The following ARHGEF26 variants were observed in gnomAD, a reference collection of about 807,000 sequenced individuals.
ARHGEF26 encodes the protein Rho guanine nucleotide exchange factor (GEF) 26.
A neutral mutation model predicts 89.4 loss-of-function variants in ARHGEF26; 59 were observed. That is an observed-to-expected ratio of 0.66 (90% CI 0.54 to 0.82). The LOEUF is 0.82. ARHGEF26 is among the 40% of genes least tolerant of loss of function. The pLI, the probability that ARHGEF26 is intolerant of heterozygous loss-of-function variation, is 0.00. For synonymous variants in ARHGEF26, 500 were observed against 428.4 expected (o/e 1.17, Z -2.06); for missense variants, 1,234 against 1,085.6 (o/e 1.14, Z -1.92).
chr3:154,130,346 G>A (rs1459877121), intron 4 of ARHGEF26, among the ~76,000 whole-genome samples: 2 of 151,842 alleles, frequency 1.3e-5, no homozygotes, highest in African/African-American at 4.8e-5. Flanking sequence ...TCACCGTATT[G>A]GCCAGGCTGG....
In ARHGEF26 at chr3:154,256,713, A is replaced by G. The variant is rs1056577789; in HGVS notation, c.*1240A>G. ...CAGTAATCTCAAGGAAGGGAAAATT[A>G]GGCCTTAAAAGATACCAAGAAGTCA... On this transcript the variant is annotated 3_prime_UTR_variant, in exon 15 of 15. Coordinates refer to ENST00000465093, the MANE Select transcript of ARHGEF26 (RefSeq NM_015595.4). The G allele has an allele frequency of 1.5e-6, 2 of 1,336,616 alleles. No homozygotes were observed. The highest frequency in any genetic ancestry group is 1.9e-6 in the Non-Finnish European group (2 of 1,049,266). The allele number at this position is 1,336,616 out of a possible 1,614,324, so 82.8% of individuals were successfully genotyped here.
At chr3:154,183,453 C>T (rs9283605) in intron 6 of ARHGEF26, among the ~76,000 whole-genome samples, 27,850 of 152,138 alleles carry the variant, frequency 0.18, 2,864 homozygotes, top group South Asian at 0.37. Context: ...TCCTCGTAAG[C>T]CAAATTATTT....
intron 6 of ARHGEF26, among the ~76,000 whole-genome samples, chr3:154,183,073 T>C (rs1284565390): frequency 6.6e-6 from 1 of 152,214 alleles, no homozygotes; most frequent in Non-Finnish European, 1.5e-5. Flanking sequence ...GTGGACCTTA[T>C]ATGTTTGGTA....
intron 11 of ARHGEF26, among the ~76,000 whole-genome samples, chr3:154,227,313 T>G (rs1019218909): frequency 8.8e-6 from 1 of 114,240 alleles, no homozygotes; most frequent in African/African-American, 3.4e-5. Flanking sequence ...TTTTTTTTTT[T>G]GAGATAGAGT....
At chr3:154,160,727 TA>T (rs1216439963) in intron 6 of ARHGEF26, among the ~76,000 whole-genome samples, 1 of 152,166 alleles carries the variant, frequency 6.6e-6, no homozygotes, top group Non-Finnish European at 1.5e-5. Flanking sequence ...TGGAGTAATT[TA>T]TAGATAATTG....
In ARHGEF26 at chr3:154,256,548, T is replaced by TAA. The variant is rs1474721087; in HGVS notation, c.*1101_*1102dup. On this transcript the variant is annotated 3_prime_UTR_variant, in exon 15 of 15. Transcript: ENST00000465093. ...GTGCCCAGCCTACTTTCTAATTAAT[T>TAA]AAAAAAAAAAAAAAAAAAAAAAAAA... 0.056 allele frequency: 35,606 copies of TAA among 636,132 alleles called. 1,867 individuals carry two copies. The highest frequency in any genetic ancestry group is 0.058 in the Middle Eastern group (68 of 1,178). The allele number at this position is 636,132 out of a possible 1,614,324, so 39.4% of individuals were successfully genotyped here. A position where few individuals can be genotyped will look rare whatever the true frequency, so the allele number is the denominator to read the frequency against.
At chr3:154,155,003 A>G (rs903343672) in intron 6 of ARHGEF26, among the ~76,000 whole-genome samples, 4 of 152,012 alleles carry the variant, frequency 2.6e-5, no homozygotes, top group Non-Finnish European at 5.9e-5. Context: ...TTCTTCTTCA[A>G]AGAAATTGTA....
chr3:154,152,440 C>G (rs890768664), intron 5 of ARHGEF26, among the ~76,000 whole-genome samples: 23 of 152,162 alleles, frequency 1.5e-4, no homozygotes, highest in African/African-American at 5.3e-4. Context: ...TAATTAATGT[C>G]TCACTGAGAT....
At chr3:154,183,977 C>CTTTTTTTTTTTTTTTTTTTTTT (rs548153454) in intron 6 of ARHGEF26, among the ~76,000 whole-genome samples, 1 of 140,318 alleles carries the variant, frequency 7.1e-6, no homozygotes, top group Non-Finnish European at 1.5e-5. Context: ...AATTTTCTTT[C>CTTTTTTTTTTTTTTTTTTTTTT]TTTTTTTTTT....
chr3:154,213,353 A>C (rs2596629), intron 9 of ARHGEF26, among the ~76,000 whole-genome samples: 138,593 of 151,828 alleles, frequency 0.91, 63,510 homozygotes, highest in East Asian at 1. Context: ...GAAGGAAGGT[A>C]CAGTAATATA....
intron 3 of ARHGEF26, among the ~76,000 whole-genome samples, chr3:154,128,302 A>G (rs890412755): frequency 6.6e-6 from 1 of 151,888 alleles, no homozygotes; most frequent in African/African-American, 2.4e-5. Context: ...TAGTGGCATG[A>G]TCTCGGCTCA....
At chr3:154,211,160 C>G (rs1040782133) in intron 9 of ARHGEF26, among the ~76,000 whole-genome samples, 1 of 151,992 alleles carries the variant, frequency 6.6e-6, no homozygotes, top group Non-Finnish European at 1.5e-5. Flanking sequence ...CAGCTGGTGT[C>G]TCAGTATGTC....
chr3:154,221,146 CAAAA>C (rs112349744), intron 10 of ARHGEF26, among the ~76,000 whole-genome samples: 1 of 132,596 alleles, frequency 7.5e-6, no homozygotes, highest in South Asian at 2.3e-4. Context: ...TTGTGTAAAA[CAAAA>C]AAAAAAAACC....
chr3:154,257,005 G>A lies in ARHGEF26; in HGVS notation c.*1532G>A. The A allele has an allele frequency of 6.6e-7, 1 of 1,504,816 alleles. No individual in the cohort carries two copies. The highest frequency in any genetic ancestry group is 8.8e-7 in the Non-Finnish European group (1 of 1,133,570). 93.2% of individuals were successfully genotyped at this position (1,504,816 alleles called of 1,614,324 possible). A position where few individuals can be genotyped will look rare whatever the true frequency, so the allele number is the denominator to read the frequency against. Reference sequence around the variant, plus strand: ...TTGCTTTAACAAAGGGATAAAACCTGGCAAAGTGTACATTATTGGAGGACT... The same window carrying A: ...TTGCTTTAACAAAGGGATAAAACCTAGCAAAGTGTACATTATTGGAGGACT... On this transcript the variant is annotated 3_prime_UTR_variant, in exon 15 of 15. Transcript: ENST00000465093.
At chr3:154,153,845 C>CT (rs530873525) in intron 6 of ARHGEF26, among the ~76,000 whole-genome samples, 9 of 151,768 alleles carry the variant, frequency 5.9e-5, no homozygotes, top group Admixed American at 4.6e-4. Flanking sequence ...CTGCTCCTTA[C>CT]TTTTTTTTAC....
intron 12 of ARHGEF26, among the ~76,000 whole-genome samples, chr3:154,252,451 A>C (rs77762473): frequency 3.4e-4 from 52 of 152,310 alleles, no homozygotes; most frequent in Middle Eastern, 3.4e-3. Flanking sequence ...TATGTAGAGA[A>C]GTGCTTGCTT....
chr3:154,164,000 G>A (rs1711828122), intron 6 of ARHGEF26, among the ~76,000 whole-genome samples: 1 of 152,048 alleles, frequency 6.6e-6, no homozygotes, highest in African/African-American at 2.4e-5. Flanking sequence ...GTGATTTGAG[G>A]AAGAAAAGAA....
rs80054940 is a variant in ARHGEF26, at chr3:154,211,867, A to G, written c.1846-6002A>G. On this transcript the variant is annotated intron_variant, in intron 9 of 14. Coordinates refer to ENST00000465093, the MANE Select transcript of ARHGEF26 (RefSeq NM_015595.4). ...TGTATATGTGTGTGTGTATATATAT[A>G]TGTGTGTGTGTGTGTGTGTATTTTA... Among the ~76,000 whole-genome samples the G allele has an allele frequency of 1.0e-3, 156 of 151,136 alleles. 1 individual carries two copies. The highest frequency in any genetic ancestry group is 2.1e-3 in the East Asian group (11 of 5,122).
In ARHGEF26 at chr3:154,184,197, C is replaced by T. The variant is rs113964783; in HGVS notation, c.1488-3488C>T. On this transcript the variant is annotated intron_variant, in intron 6 of 14. Coordinates refer to ENST00000465093, the MANE Select transcript of ARHGEF26 (RefSeq NM_015595.4). ...CTGTGTTAGCCAGGATGGTCTCGAT[C>T]TCCTGACCTTGTGATCCACCTACCT... Among the ~76,000 whole-genome samples, 564 of 152,298 alleles carry T rather than the reference C, an allele frequency of 3.7e-3. 4 individuals are homozygous for T. Among genetic ancestry groups the T allele is most frequent in the African/African-American group, 0.013 (531 of 41,574 alleles).
Sources: gnomAD v4.1 joint callset for allele counts (sites outside exome capture counted in the v4.1 genomes callset) on GRCh38, gnomAD v4.1.1 for gene constraint, MANE v1.5 for transcripts, NCBI Gene and HGNC (gene_info 2026-07-23, HGNC 2026-07-21) for gene names.